The following CTNNA3 variants were observed in gnomAD, a reference collection of about 807,000 sequenced individuals.
CTNNA3 encodes catenin alpha 3.
In CTNNA3, 76 loss-of-function variants were observed where a neutral mutation model predicts 95.7. That is an observed-to-expected ratio of 0.79 (90% CI 0.66 to 0.96). The LOEUF is 0.96. Among genes scored for constraint, CTNNA3 ranks in the 40% least tolerant of loss-of-function variants. The pLI, the probability that CTNNA3 is intolerant of heterozygous loss-of-function variation, is 0.00. For synonymous variants in CTNNA3, 431 were observed against 374.4 expected (o/e 1.15, Z -1.74); for missense variants, 1,191 against 1,089.8 (o/e 1.09, Z -1.31).
At chr10:67,430,301 T>C (rs1846067343) in intron 5 of CTNNA3, among the ~76,000 whole-genome samples, 1 of 152,116 alleles carries the variant, frequency 6.6e-6, no homozygotes, top group East Asian at 1.9e-4. Context: ...ACCTGGACTG[T>C]AGTCTTGGAT....
intron 9 of CTNNA3, among the ~76,000 whole-genome samples, chr10:66,728,397 G>A (rs1211430729): frequency 2.0e-5 from 3 of 152,142 alleles, no homozygotes; most frequent in Admixed American, 6.5e-5. Flanking sequence ...TTACTCTGAT[G>A]ATAGTTTATT....
intron 11 of CTNNA3, among the ~76,000 whole-genome samples, chr10:66,431,376 C>T (rs2093294219): frequency 6.6e-6 from 1 of 152,106 alleles, no homozygotes; most frequent in Non-Finnish European, 1.5e-5. Flanking sequence ...TATCATTTGG[C>T]CCAGCCATCC....
At chr10:66,086,341 A>G (rs1194288856) in intron 14 of CTNNA3, among the ~76,000 whole-genome samples, 2 of 152,142 alleles carry the variant, frequency 1.3e-5, no homozygotes, top group Non-Finnish European at 2.9e-5. Flanking sequence ...TCTTTCAGGA[A>G]GATATATTCC....
At chr10:66,293,945 G>A (rs776908148) in intron 12 of CTNNA3, among the ~76,000 whole-genome samples, 13 of 151,880 alleles carry the variant, frequency 8.6e-5, no homozygotes, top group Admixed American at 2.6e-4. Context: ...AATTACAGGC[G>A]TTAGCCACCG....
At chr10:66,554,694 A>T (rs189957464) in intron 10 of CTNNA3, among the ~76,000 whole-genome samples, 5 of 152,098 alleles carry the variant, frequency 3.3e-5, no homozygotes, top group African/African-American at 1.2e-4. Context: ...TGGTCCTTTT[A>T]AAAAATGTAG....
At chr10:67,751,353 A>T in intron 1 of CTNNA3, 1 of 646,184 alleles carries the variant, frequency 1.5e-6, no homozygotes, top group Non-Finnish European at 2.8e-6. Flanking sequence ...GTCCTGTTGC[A>T]GGCCAGAATC....
intron 7 of CTNNA3, among the ~76,000 whole-genome samples, chr10:66,817,803 A>G (rs1842147290): frequency 6.6e-6 from 1 of 152,060 alleles, no homozygotes; most frequent in Non-Finnish European, 1.5e-5. Context: ...TCTTGAGGTC[A>G]GCATTACATT....
At chr10:66,928,466 T>C (rs1034508790) in intron 7 of CTNNA3, 27 of 1,569,266 alleles carry the variant, frequency 1.7e-5, no homozygotes, top group African/African-American at 2.8e-5. Context: ...TGAACCATTG[T>C]GATAAAAAGA....
intron 12 of CTNNA3, 91 bp downstream of exon 12, chr10:66,379,061 A>C (rs2132487625): frequency 8.9e-7 from 1 of 1,120,238 alleles, no homozygotes. Flanking sequence ...GAAGCAACAC[A>C]GACTAGAATC....
At chr10:66,242,197 TA>T (rs1378755261) in intron 13 of CTNNA3, among the ~76,000 whole-genome samples, 2 of 152,154 alleles carry the variant, frequency 1.3e-5, no homozygotes, top group African/African-American at 4.8e-5. Context: ...TTAGCCTCCA[TA>T]ACTGTAAAAA....
chr10:67,689,247 C>T lies in CTNNA3; in HGVS notation c.-6+6753G>A, dbSNP rs185097727. Among the ~76,000 whole-genome samples, 233 of 152,180 alleles carry T rather than the reference C, an allele frequency of 1.5e-3. 2 individuals are homozygous for T. Among genetic ancestry groups the T allele is most frequent in the Non-Finnish European group, 2.5e-3 (172 of 68,014 alleles). ...TCACTTATATGAATAGGAAAGATACCATTTCCGAAGCTCCCCATATCCTAG... is the reference window on the plus strand; with the variant it reads ...TCACTTATATGAATAGGAAAGATACTATTTCCGAAGCTCCCCATATCCTAG... On this transcript the variant is annotated intron_variant, in intron 1 of 17. Transcript: ENST00000433211.
At chr10:66,511,106 A>G (rs1464986954) in intron 11 of CTNNA3, among the ~76,000 whole-genome samples, 1 of 151,582 alleles carries the variant, frequency 6.6e-6, no homozygotes, top group Non-Finnish European at 1.5e-5. Flanking sequence ...TTTTGGTTCA[A>G]TCTTGGTATT....
At chr10:67,371,592 T>G (rs1315524227) in intron 5 of CTNNA3, among the ~76,000 whole-genome samples, 1 of 152,172 alleles carries the variant, frequency 6.6e-6, no homozygotes, top group Non-Finnish European at 1.5e-5. Context: ...TATTCCATGG[T>G]GTATATGTGC....
chr10:67,409,343 C>A (rs1247942703), intron 5 of CTNNA3, among the ~76,000 whole-genome samples: 1 of 152,112 alleles, frequency 6.6e-6, no homozygotes, highest in African/African-American at 2.4e-5. Flanking sequence ...CCCAAATGCC[C>A]ATCAATGATA....
At chr10:67,351,643 G>C (rs779356056) in intron 5 of CTNNA3, among the ~76,000 whole-genome samples, 21 of 151,944 alleles carry the variant, frequency 1.4e-4, no homozygotes, top group South Asian at 4.1e-4. Context: ...TACCTTTCAT[G>C]AATAAAGCAG....
At chr10:66,195,774 T>C (rs1383873011) in intron 13 of CTNNA3, among the ~76,000 whole-genome samples, 2 of 152,218 alleles carry the variant, frequency 1.3e-5, no homozygotes, top group East Asian at 3.8e-4. Flanking sequence ...ATATGTTGCC[T>C]TGGGCACAAG....
At chr10:66,833,015 T>C (rs1047758934) in intron 7 of CTNNA3, among the ~76,000 whole-genome samples, 5 of 152,202 alleles carry the variant, frequency 3.3e-5, no homozygotes, top group African/African-American at 9.7e-5. Context: ...CTTCCTGAAT[T>C]TGTGCGATAG....
intron 1 of CTNNA3, among the ~76,000 whole-genome samples, chr10:67,753,152 C>A (rs958838302): frequency 1.3e-5 from 2 of 152,098 alleles, no homozygotes; most frequent in Non-Finnish European, 2.9e-5. Context: ...GAATAGAGAT[C>A]TCAGAAATAA....
chr10:65,952,850 T>C (rs1355809744), intron 17 of CTNNA3, among the ~76,000 whole-genome samples: 1 of 152,190 alleles, frequency 6.6e-6, no homozygotes, highest in Non-Finnish European at 1.5e-5. Flanking sequence ...GACTGATTAG[T>C]TTTATTTATC....
Sources: allele counts gnomAD v4.1 joint callset (sites outside exome capture counted in the v4.1 genomes callset), GRCh38; gene constraint gnomAD v4.1.1; transcripts MANE v1.5; gene names NCBI Gene and HGNC (gene_info 2026-07-23, HGNC 2026-07-21).